The following ACP4 variants were observed in gnomAD, a reference collection of about 807,000 sequenced individuals.
The protein encoded by ACP4 is acid phosphatase 4.
In ACP4, 49 loss-of-function variants were observed where a neutral mutation model predicts 47.3. The observed-to-expected ratio is 1.04, with a 90% CI of 0.82 to 1.32. The LOEUF (loss-of-function observed/expected upper bound fraction) is 1.32. ACP4 is among the 40% of genes most tolerant of loss of function. The pLI is 0.00. For synonymous variants in ACP4, 299 were observed against 265.3 expected, an observed-to-expected ratio of 1.13 and a Z score of -1.23; for missense variants, 594 against 579.3, an observed-to-expected ratio of 1.03 and a Z score of -0.26.
chr19:50,790,668 G>A lies in ACP4; in HGVS notation c.186G>A (p.Leu62=), dbSNP rs1390260104. ...CACACAAGGAGGTGGCCTCCACCCTGTGGCCACGAGGCCTGGGCCAGCTGA... is the reference window on the plus strand; with the variant it reads ...CACACAAGGAGGTGGCCTCCACCCTATGGCCACGAGGCCTGGGCCAGCTGA... ...MDPHKEVAST[L]WPRGLGQLTT... The change falls in exon 2 of 11, where the codon CTG becomes CTA. Residue 62 remains leucine (L), a synonymous_variant. Transcript: ENST00000270593. 6.4e-7 allele frequency: 1 copy of A among 1,551,824 alleles called. No individual in the cohort carries two copies. Among genetic ancestry groups the A allele is most frequent in the African/African-American group, 1.4e-5 (1 of 73,486 alleles).
intron 9 of ACP4, 46 bp downstream of exon 9, chr19:50,794,627 C>CAAA: frequency 6.2e-7 from 1 of 1,613,258 alleles, no homozygotes; most frequent in Non-Finnish European, 8.5e-7. Flanking sequence ...ACAGAACTCT[C>CAAA]AAAGCAAGGG....
At chr19:50,793,072 G>C (rs948989416) in intron 6 of ACP4, 4 of 154,982 alleles carry the variant, frequency 2.6e-5, no homozygotes, top group African/African-American at 9.6e-5. Context: ...CCCGGCCCTT[G>C]CTGTGTGTGT....
At chr19:50,794,756 A>G in intron 9 of ACP4, 30 bp from the exon 10 acceptor site, 1 of 1,577,494 alleles carries the variant, frequency 6.3e-7, no homozygotes, top group Non-Finnish European at 8.6e-7. Flanking sequence ...GACAGGAGGG[A>G]GGAGGTGCCA....
rs371366075 is a variant in ACP4 at position 50,793,677 on chromosome 19, C to T, written c.646-7C>T. On this transcript the variant is annotated splice_polypyrimidine_tract_variant and splice_region_variant and intron_variant, in intron 6 of 10. Transcript: ENST00000270593. ...CAGGATGGTCCATCTGTCCTGTCTC[C>T]CCACAGCAAGCCCACGGTCTTCCAC... The T allele has an allele frequency of 6.9e-5, 111 of 1,612,658 alleles. No homozygotes were observed. The African/African-American group carries it at 1.3e-3, about 19-fold the overall frequency.
Position 50,794,899 on chromosome 19 carries a change from C to T in ACP4, c.1100C>T (p.Ala367Val). 6.2e-7 allele frequency: 1 copy of T among 1,613,602 alleles called. No individual in the cohort carries two copies. Among genetic ancestry groups the T allele is most frequent in the Non-Finnish European group, 8.5e-7 (1 of 1,179,918 alleles). The part of the protein sequence containing the change: ...CPLGRFYQLT[A>V]PARPPAHGVS... ...CTAGGCCGCTTCTACCAGCTGACTG[C>T]CCCGGCCCGGCCTCCCGCCCATGGG... is the stretch of plus-strand genomic sequence containing the variant. The change falls in exon 10 of 11, where the codon GCC becomes GTC. Residue 367 changes from alanine to valine, a missense_variant. Physicochemically the swap from Ala to Val is moderately conservative, Grantham distance 64. Transcript: ENST00000270593.
At position 50,793,603 on chromosome 19, in the gene ACP4, G is replaced by T; in HGVS notation, c.646-81G>T. 3 of 1,560,796 alleles carry T rather than the reference G, an allele frequency of 1.9e-6. No individual in the cohort carries two copies. In the East Asian group the frequency reaches 6.8e-5, roughly 35 times the overall value. On this transcript the variant is annotated intron_variant, in intron 6 of 10. Transcript: ENST00000270593. ...ATCCGGCCCATGGGGGGACTCAGAAGAGCAGGGGGCAGCACAGGCCTGCGG... is the reference window on the plus strand; with the variant it reads ...ATCCGGCCCATGGGGGGACTCAGAATAGCAGGGGGCAGCACAGGCCTGCGG...
intron 8 of ACP4, 41 bp downstream of exon 8, chr19:50,794,011 A>G: frequency 1.9e-6 from 3 of 1,607,966 alleles, no homozygotes; most frequent in Non-Finnish European, 2.6e-6. Context: ...ACTGAGGCAC[A>G]GGGATGAGGG....
At chr19:50,791,977 A>G (rs1056332384) in intron 4 of ACP4, 96 bp from the exon 5 acceptor site, 2 of 1,463,624 alleles carry the variant, frequency 1.4e-6, no homozygotes, top group African/African-American at 1.4e-5. Context: ...AAACTGCGAC[A>G]AAGACGCAGG....
chr19:50,790,686 C>T lies in ACP4; in HGVS notation c.204C>T (p.Gly68=), dbSNP rs1221628717. 2.6e-6 allele frequency: 4 copies of T among 1,548,926 alleles called. No homozygotes were observed. The South Asian group carries it at 3.6e-5, about 14-fold the overall frequency. Residue 68 remains glycine, a synonymous_variant, in exon 2 of 11, where the codon GGC becomes GGT. Transcript: ENST00000270593. ...VASTLWPRGL[G]QLTTEGVRQQ... Reference sequence around the variant, plus strand: ...CCACCCTGTGGCCACGAGGCCTGGGCCAGCTGACCACGGTGAGAAGCGGGT... The same window carrying T: ...CCACCCTGTGGCCACGAGGCCTGGGTCAGCTGACCACGGTGAGAAGCGGGT...
rs1568466300 is a variant in ACP4, at chr19:50,795,112, T to C, written c.1235T>C (p.Leu412Pro). Residue 412 changes from leucine (L) to proline (P), a missense_variant, in exon 11 of 11, where the codon CTG (leucine) becomes CCG (proline). Physicochemically the swap from Leu to Pro is moderately conservative, Grantham distance 98. Transcript: ENST00000270593. ...GCACTCAGCTTGGGGCTGGGCCTGC[T>C]GGCCTGGAGACCAGGGTGCCTGCGG... ...LVALSLGLGL[L>P]AWRPGCLRAL... 1 of 1,572,462 alleles carries C rather than the reference T, an allele frequency of 6.4e-7. No individual in the cohort carries two copies. Among genetic ancestry groups the C allele is most frequent in the Admixed American group, 1.9e-5 (1 of 53,708 alleles).
In ACP4 at chr19:50,790,852, C is replaced by CG; in HGVS notation, c.298dup (p.Glu100GlyfsTer11). ...GGCCTTCCTGAGTCCGGAGTACCGG[C>CG]GGGAGGAGGTAGGGCCATAGTGACC... On this transcript the variant is annotated frameshift_variant, in exon 3 of 11. Coordinates refer to ENST00000270593, the MANE Select transcript of ACP4 (RefSeq NM_033068.3). LOFTEE classifies it high-confidence loss of function. 6.5e-7 allele frequency: 1 copy of CG among 1,547,540 alleles called. No homozygotes were observed. Among genetic ancestry groups the CG allele is most frequent in the South Asian group, 1.2e-5 (1 of 83,814 alleles).
rs1392231776 is a variant in ACP4 at position 50,795,152 on chromosome 19, CGT to C, written c.1279_1280del (p.Ter427SerfsTer?). Reference protein sequence around the residue: ...PGCLRALGGPV With the variant: ...PGCLRALGGPX ...GGTGCCTGCGGGCCTTGGGGGGCCCCGTGTGAGCCAGAAACCAGGGCTTCCCT... is the reference window on the plus strand; with the variant it reads ...GGTGCCTGCGGGCCTTGGGGGGCCCCGTGAGCCAGAAACCAGGGCTTCCCT... On this transcript the variant is annotated frameshift_variant, in exon 11 of 11. Transcript: ENST00000270593. LOFTEE classifies it high-confidence loss of function. 7.0e-5 allele frequency: 108 copies of C among 1,542,358 alleles called. No homozygotes were observed. Among genetic ancestry groups the C allele is most frequent in the Non-Finnish European group, 8.5e-5 (98 of 1,147,308 alleles).
intron 6 of ACP4, chr19:50,793,245 C>T (rs1019085201): frequency 1.8e-5 from 3 of 168,928 alleles, no homozygotes; most frequent in Admixed American, 5.5e-5. Flanking sequence ...TGTGGTGGCT[C>T]ACACCTGTAA....
At position 50,794,839 on chromosome 19, in the gene ACP4, C is replaced by A. The variant is rs1478088735; in HGVS notation, c.1040C>A (p.Pro347His). The A allele has an allele frequency of 3.7e-6, 6 of 1,613,360 alleles. No individual in the cohort carries two copies. The highest frequency in any genetic ancestry group is 5.1e-6 in the Non-Finnish European group (6 of 1,179,704). The stretch of plus-strand genomic sequence containing the variant: ...AATGACTCCGCCCACCTGCCCCTGC[C>A]TCTCAGCCTCCCCGGGTGCCCGGCC... ...YRNDSAHLPL[P>H]LSLPGCPAPC... The change falls in exon 10 of 11, where the codon CCT (proline) becomes CAT (histidine). Residue 347 changes from proline (P) to histidine (H), a missense_variant. Pro to His is a moderately conservative substitution (Grantham distance 77). Transcript: ENST00000270593.
intron 6 of ACP4, 186 bp from the exon 7 acceptor site, chr19:50,793,498 G>A (rs2089527220): frequency 4.6e-6 from 4 of 867,128 alleles, no homozygotes; most frequent in Admixed American, 2.9e-5. Flanking sequence ...CTAGGTGATG[G>A]AGCAAGGCTC....
intron 8 of ACP4, 99 bp downstream of exon 8, chr19:50,794,069 G>GC: frequency 7.2e-7 from 1 of 1,397,470 alleles, no homozygotes. Context: ...GTGGATCTCA[G>GC]CCCACTGCCT....
At position 50,795,061 on chromosome 19, in the gene ACP4, T is replaced by C; in HGVS notation, c.1184T>C (p.Leu395Pro). 1.2e-6 allele frequency: 2 copies of C among 1,604,744 alleles called. No individual in the cohort carries two copies. The highest frequency in any genetic ancestry group is 1.7e-6 in the Non-Finnish European group (2 of 1,176,134). ...AIPPAPVVPL[L>P]AGAVAVLVAL... ...CCTGCAGCTCCAGTGGTGCCCCTGC[T>C]GGCCGGAGCTGTAGCTGTGCTGGTG... Residue 395 changes from leucine (L) to proline (P), a missense_variant, in exon 11 of 11, where the codon CTG becomes CCG. Leu to Pro is a moderately conservative substitution (Grantham distance 98). Coordinates refer to ENST00000270593, the MANE Select transcript of ACP4 (RefSeq NM_033068.3).
chr19:50,794,516 G>C lies in ACP4; in HGVS notation c.921G>C (p.Pro307=). The change falls in exon 9 of 11, where the codon CCG becomes CCC. Residue 307 remains proline (P), a synonymous_variant. Transcript: ENST00000270593. ...TGGGCCTCTATGATGGACACACCCC[G>C]CCATATGCTGCCTGCCTCGGCTTTG... is the stretch of plus-strand genomic sequence containing the variant. ...GALGLYDGHT[P]PYAACLGFEF... 1 of 1,613,980 alleles carries C rather than the reference G, an allele frequency of 6.2e-7. No homozygotes were observed. The highest frequency in any genetic ancestry group is 2.2e-5 in the East Asian group (1 of 44,854).
intron 4 of ACP4, 107 bp downstream of exon 4, chr19:50,791,909 G>A: frequency 6.8e-7 from 1 of 1,479,198 alleles, no homozygotes; most frequent in Admixed American, 2.1e-5. Context: ...CTGTCCTCGA[G>A]CTGGTCTGTC....
Sources: allele counts gnomAD v4.1 joint callset, GRCh38; gene constraint gnomAD v4.1.1; transcripts MANE v1.5; gene names NCBI Gene and HGNC (gene_info 2026-07-23, HGNC 2026-07-21).